Variants in ARHGAP24 observed in about 807,000 individuals in gnomAD.
The protein encoded by ARHGAP24 is Rho GTPase activating protein 24.
ARHGAP24 carries 50 observed loss-of-function variants against 76.4 expected under a neutral mutation model. The observed-to-expected ratio is 0.65, with a 90% CI of 0.52 to 0.83. ARHGAP24 has a LOEUF of 0.83. Among genes scored for constraint, ARHGAP24 ranks in the 40% least tolerant of loss-of-function variants. The pLI is 0.00. For synonymous variants in ARHGAP24, 345 were observed against 323.3 expected (o/e 1.07, Z -0.72); for missense variants, 930 against 914.2 (o/e 1.02, Z -0.22).
intron 1 of ARHGAP24, among the ~76,000 whole-genome samples, chr4:85,552,732 G>A (rs1047997154): frequency 3.3e-5 from 5 of 152,150 alleles, no homozygotes; most frequent in Non-Finnish European, 7.4e-5. Flanking sequence ...ATTTAGGATA[G>A]TCAGGTATTA....
Position 85,498,853 on chromosome 4 carries a change from A to G in ARHGAP24, c.-21+23294A>G, listed in dbSNP as rs17010262. Among the ~76,000 whole-genome samples the G allele has an allele frequency of 4.9e-3, 740 of 152,372 alleles. 5 individuals are homozygous for G. Among genetic ancestry groups the G allele is most frequent in the African/African-American group, 0.017 (700 of 41,580 alleles). On this transcript the variant is annotated intron_variant, in intron 1 of 9. Coordinates refer to ENST00000395184, the MANE Select transcript of ARHGAP24 (RefSeq NM_001025616.3). ...TCAGTAAGCACTTATCCATACTTCT[A>G]AGAAAATGAAAGTTCCCTCTAAAAG...
intron 2 of ARHGAP24, among the ~76,000 whole-genome samples, chr4:85,630,445 T>C (rs1299068846): frequency 6.6e-6 from 1 of 152,218 alleles, no homozygotes; most frequent in African/African-American, 2.4e-5. Context: ...CATTGGTGTG[T>C]GCACATTTGA....
At chr4:85,633,473 T>A (rs557898616) in intron 2 of ARHGAP24, among the ~76,000 whole-genome samples, 5 of 152,034 alleles carry the variant, frequency 3.3e-5, no homozygotes, top group African/African-American at 1.2e-4. Context: ...TCTTTTAACT[T>A]TAGGCATCTG....
In ARHGAP24 at chr4:85,707,894, G is replaced by A. The variant is rs73835536; in HGVS notation, c.181-13991G>A. ...GGGTCATAAATTACTTGTTAATTGT[G>A]TATTTCTTTTTTAGAAGAAAAAGGA... is the stretch of plus-strand genomic sequence containing the variant. On this transcript the variant is annotated intron_variant, in intron 2 of 9. Coordinates refer to ENST00000395184, the MANE Select transcript of ARHGAP24 (RefSeq NM_001025616.3). 9.7e-3 allele frequency among the ~76,000 whole-genome samples: 1,483 copies of A among 152,152 alleles called. 25 individuals carry two copies. Among genetic ancestry groups the A allele is most frequent in the African/African-American group, 0.033 (1,377 of 41,498 alleles).
intron 5 of ARHGAP24, among the ~76,000 whole-genome samples, chr4:85,969,155 T>C (rs1195877866): frequency 6.6e-6 from 1 of 152,160 alleles, no homozygotes. Flanking sequence ...ACCATCCCAT[T>C]GTCTAACTTT....
intron 2 of ARHGAP24, among the ~76,000 whole-genome samples, chr4:85,593,410 T>G (rs945788700): frequency 6.6e-6 from 1 of 152,178 alleles, no homozygotes; most frequent in Non-Finnish European, 1.5e-5. Flanking sequence ...GTGGGTTGTC[T>G]CTTCACTTTG....
chr4:85,903,022 A>G (rs561636222), intron 3 of ARHGAP24, among the ~76,000 whole-genome samples: 1 of 152,290 alleles, frequency 6.6e-6, no homozygotes, highest in South Asian at 2.1e-4. Context: ...TTCTTTTTGT[A>G]TTTTTTCTCC....
intron 2 of ARHGAP24, among the ~76,000 whole-genome samples, chr4:85,599,457 G>A (rs903949522): frequency 2.6e-5 from 4 of 152,144 alleles, no homozygotes; most frequent in African/African-American, 9.6e-5. Flanking sequence ...CTACATAAAG[G>A]TTCCATAGAG....
intron 3 of ARHGAP24, among the ~76,000 whole-genome samples, chr4:85,914,521 C>T (rs1433139489): frequency 6.6e-6 from 1 of 152,106 alleles, no homozygotes; most frequent in Non-Finnish European, 1.5e-5. Context: ...TTTTAAGTAA[C>T]CCTGCAATAG....
At chr4:85,664,580 T>C (rs1166802770) in intron 2 of ARHGAP24, among the ~76,000 whole-genome samples, 2 of 150,606 alleles carry the variant, frequency 1.3e-5, no homozygotes, top group Admixed American at 6.6e-5. Context: ...GCTCTTGCTT[T>C]TCTAGTTCTT....
At position 85,492,138 on chromosome 4, in the gene ARHGAP24, T is replaced by TACCC. The variant is rs1422506904; in HGVS notation, c.-21+16579_-21+16580insACCC. On this transcript the variant is annotated intron_variant, in intron 1 of 9. Transcript: ENST00000395184. The stretch of plus-strand genomic sequence containing the variant: ...TTCTTCTGTTCTTTGCCTTTTCTCT[T>TACCC]TATTACCCTAGAACCTTGTCATATC... Among the ~76,000 whole-genome samples the TACCC allele has an allele frequency of 7.7e-3, 1,175 of 151,956 alleles. 10 individuals carry two copies. The highest frequency in any genetic ancestry group is 0.026 in the African/African-American group (1,087 of 41,422).
rs551336756 is a variant in ARHGAP24 at position 85,930,165 on chromosome 4, G to A, written c.391+6395G>A. On this transcript the variant is annotated intron_variant, in intron 4 of 9. Transcript: ENST00000395184. ...AGTTCTCATTGAGAAAAGGGGAGAC[G>A]GAGCAGGAGGAGGGGGAGGAGATGC... 83 of 830,764 alleles carry A rather than the reference G, an allele frequency of 1.0e-4. No individual in the cohort carries two copies. The South Asian group carries it at 2.4e-3, about 24-fold the overall frequency. The allele number at this position is 830,764 out of a possible 1,614,324, so 51.5% of individuals were successfully genotyped here.
intron 3 of ARHGAP24, among the ~76,000 whole-genome samples, chr4:85,878,666 G>T (rs1429629457): frequency 1.3e-5 from 2 of 152,054 alleles, no homozygotes; most frequent in African/African-American, 2.4e-5. Context: ...CATGGACCTT[G>T]ACATTTCTGA....
At chr4:85,695,442 T>C (rs975809400) in intron 2 of ARHGAP24, among the ~76,000 whole-genome samples, 1 of 152,178 alleles carries the variant, frequency 6.6e-6, no homozygotes, top group African/African-American at 2.4e-5. Context: ...ATATATTCCA[T>C]CATAATAAGA....
At chr4:85,895,377 C>T (rs957851674) in intron 3 of ARHGAP24, among the ~76,000 whole-genome samples, 2 of 152,090 alleles carry the variant, frequency 1.3e-5, no homozygotes, top group African/African-American at 4.8e-5. Flanking sequence ...TACACTATGG[C>T]CAGTTGTTCA....
rs544707297 is a variant in ARHGAP24, at chr4:85,916,513, T to A, written c.269-7135T>A. ...TTGGGGAAAGTAATACTTAAAAAAA[T>A]AAATAAATAAATAAGAGCTTATAGT... On this transcript the variant is annotated intron_variant, in intron 3 of 9. Coordinates refer to ENST00000395184, the MANE Select transcript of ARHGAP24 (RefSeq NM_001025616.3). Among the ~76,000 whole-genome samples the A allele has an allele frequency of 2.8e-4, 43 of 152,224 alleles. No individual in the cohort carries two copies. The South Asian group carries it at 3.3e-3, about 12-fold the overall frequency.
chr4:85,928,663 T>C (rs1578398540), intron 4 of ARHGAP24, among the ~76,000 whole-genome samples: 1 of 152,060 alleles, frequency 6.6e-6, no homozygotes, highest in African/African-American at 2.4e-5. Flanking sequence ...GGTTTCACCA[T>C]GTTGGCCAGG....
chr4:85,490,305 C>T (rs2075281061), intron 1 of ARHGAP24, among the ~76,000 whole-genome samples: 1 of 152,102 alleles, frequency 6.6e-6, no homozygotes, highest in African/African-American at 2.4e-5. Flanking sequence ...CCAATGTTGA[C>T]CCATAAATTG....
chr4:85,989,992 G>A (rs776880889), intron 8 of ARHGAP24: 74 of 151,600 alleles, frequency 4.9e-4, no homozygotes, highest in Non-Finnish European at 7.7e-4. Context: ...AAATTGGAAA[G>A]GAATATGTAA....
Sources: gnomAD v4.1 joint callset for allele counts (sites outside exome capture counted in the v4.1 genomes callset) on GRCh38, gnomAD v4.1.1 for gene constraint, MANE v1.5 for transcripts, NCBI Gene and HGNC (gene_info 2026-07-23, HGNC 2026-07-21) for gene names.